BRCC3: variants seen among roughly 807,000 people sequenced by gnomAD.
The protein encoded by BRCC3 is lys-63-specific deubiquitinase BRCC36.
In BRCC3, 15 loss-of-function variants were observed where a neutral mutation model predicts 28.0. That is an observed-to-expected ratio of 0.54 (90% confidence interval 0.36 to 0.82). The LOEUF is 0.82. Among genes scored for constraint, BRCC3 ranks in the 40% least tolerant of loss-of-function variants. BRCC3 has a pLI of 0.01. For synonymous variants in BRCC3, 66 were observed against 80.3 expected, an observed-to-expected ratio of 0.82 and a Z score of 0.95; for missense variants, 109 against 225.9, an observed-to-expected ratio of 0.48 and a Z score of 3.32.
chrX:155,090,053 T>C (rs951290409), intron 6 of BRCC3, among the ~76,000 whole-genome samples: 3 of 112,372 alleles, frequency 2.7e-5, no homozygotes, highest in African/African-American at 9.7e-5. Flanking sequence ...TTATCACCTA[T>C]TGTATGGCAT....
At chrX:155,113,794 C>CA (rs200731006) in intron 7 of BRCC3, among the ~76,000 whole-genome samples, 4,280 of 111,273 alleles carry the variant, frequency 0.038, 100 homozygotes, top group Non-Finnish European at 0.061. Context: ...CACTCAACAA[C>CA]AAAAAAATCT....
Position 155,072,421 on chromosome X carries a change from A to G in BRCC3, c.140+78A>G, listed in dbSNP as rs2073992781. 4 of 793,498 alleles carry G rather than the reference A, an allele frequency of 5.0e-6. No homozygotes were observed. In the South Asian group the frequency reaches 9.2e-5, roughly 18 times the overall value. The allele number at this position is 793,498 out of a possible 1,213,427, so 65.4% of individuals were successfully genotyped here. A position where few individuals can be genotyped will look rare whatever the true frequency, so the allele number is the denominator to read the frequency against. On this transcript the variant is annotated intron_variant, in intron 2 of 10. Coordinates refer to ENST00000330045, the MANE Select transcript of BRCC3 (RefSeq NM_001018055.3). The stretch of plus-strand genomic sequence containing the variant: ...CTAAAATTATGGCGACTTTGGCAGT[A>G]TTGTGTCCGGATCGTGTCTTAAATT...
chrX:155,089,659 G>T (rs782065613), intron 6 of BRCC3, among the ~76,000 whole-genome samples: 60 of 111,759 alleles, frequency 5.4e-4, no homozygotes, highest in African/African-American at 1.9e-3. Flanking sequence ...GACCATACAT[G>T]CCAGTTTGCC....
intron 3 of BRCC3, 24 bp from the exon 4 acceptor site, chrX:155,077,146 C>T: frequency 2.6e-6 from 3 of 1,148,380 alleles, no homozygotes; most frequent in Non-Finnish European, 3.5e-6. Context: ...CTGTAAGTAA[C>T]CATTTCTGTG....
intron 5 of BRCC3, among the ~76,000 whole-genome samples, chrX:155,087,068 G>A (rs1000521820): frequency 8.9e-6 from 1 of 111,845 alleles, no homozygotes; most frequent in Non-Finnish European, 1.9e-5. Flanking sequence ...AAGGGCGAGA[G>A]GTGCAGGGTC....
chrX:155,098,304 TTTTTA>T (rs2074224197), intron 7 of BRCC3, among the ~76,000 whole-genome samples: 1 of 112,218 alleles, frequency 8.9e-6, no homozygotes, highest in African/African-American at 3.2e-5. Flanking sequence ...GTACTTTCCA[TTTTTA>T]TTTTCTCTTC....
At chrX:155,101,096 G>A (rs1477007572) in intron 7 of BRCC3, among the ~76,000 whole-genome samples, 1 of 110,037 alleles carries the variant, frequency 9.1e-6, no homozygotes, top group Non-Finnish European at 1.9e-5. Context: ...GTGGGGTTTC[G>A]CCATGTTGCC....
chrX:155,092,355 T>G lies in BRCC3; in HGVS notation c.548+1516T>G, dbSNP rs782336170. ...GGCTCCCTGCTGTTACTTGTAGTTT[T>G]ACCCTAAGCATTTATATTTTCACAG... On this transcript the variant is annotated intron_variant, in intron 7 of 10. Coordinates refer to ENST00000330045, the MANE Select transcript of BRCC3 (RefSeq NM_001018055.3). Among the ~76,000 whole-genome samples, 7 of 112,296 alleles carry G rather than the reference T, an allele frequency of 6.2e-5. No individual in the cohort carries two copies. The South Asian group carries it at 2.2e-3, about 35-fold the overall frequency.
chrX:155,096,694 T>A (rs2124277710), intron 7 of BRCC3, among the ~76,000 whole-genome samples: 1 of 112,411 alleles, frequency 8.9e-6, no homozygotes, highest in Non-Finnish European at 1.9e-5. Context: ...AGTTCCTGAA[T>A]AGCCAAAGCA....
chrX:155,091,664 T>C (rs1236859082), intron 7 of BRCC3, among the ~76,000 whole-genome samples: 10 of 111,917 alleles, frequency 8.9e-5, no homozygotes, highest in African/African-American at 3.2e-4. Context: ...CCTTTTTTCT[T>C]GTCATATTTA....
intron 7 of BRCC3, among the ~76,000 whole-genome samples, chrX:155,110,144 T>G (rs1410627537): frequency 8.9e-6 from 1 of 111,947 alleles, no homozygotes; most frequent in Non-Finnish European, 1.9e-5. Context: ...ATCTTTTTCA[T>G]AAATAAGATT....
At chrX:155,111,907 C>T (rs1056623888) in intron 7 of BRCC3, among the ~76,000 whole-genome samples, 1 of 111,650 alleles carries the variant, frequency 9.0e-6, no homozygotes, top group Non-Finnish European at 1.9e-5. Flanking sequence ...CCAGTGGAGG[C>T]CTGAAACCAC....
At chrX:155,077,400 G>C in intron 4 of BRCC3, 111 bp downstream of exon 4, 1 of 719,799 alleles carries the variant, frequency 1.4e-6, no homozygotes, top group Non-Finnish European at 1.9e-6. Flanking sequence ...TCTTCCCTTA[G>C]ATCCAATTGT....
At chrX:155,113,241 C>T (rs2074333701) in intron 7 of BRCC3, among the ~76,000 whole-genome samples, 1 of 102,818 alleles carries the variant, frequency 9.7e-6, no homozygotes, top group South Asian at 4.6e-4. Flanking sequence ...GAAAAAGAAC[C>T]AATTTGGGCA....
At chrX:155,086,799 T>C (rs1283436144) in intron 5 of BRCC3, among the ~76,000 whole-genome samples, 1 of 112,003 alleles carries the variant, frequency 8.9e-6, no homozygotes, top group East Asian at 2.8e-4. Context: ...ATATAGCTGA[T>C]CGTCAAAAAC....
chrX:155,109,760 C>T (rs954368808), intron 7 of BRCC3, among the ~76,000 whole-genome samples: 3 of 111,490 alleles, frequency 2.7e-5, no homozygotes, highest in Non-Finnish European at 5.7e-5. Context: ...ATCTTTACAC[C>T]TTTTTATTTC....
intron 5 of BRCC3, among the ~76,000 whole-genome samples, chrX:155,084,149 C>T (rs189289642): frequency 3.3e-4 from 37 of 112,251 alleles, no homozygotes; most frequent in East Asian, 1.4e-3. Context: ...ATACAGTACA[C>T]GTTTGCAAAA....
At chrX:155,097,249 A>G (rs782812196) in intron 7 of BRCC3, among the ~76,000 whole-genome samples, 5 of 112,268 alleles carry the variant, frequency 4.5e-5, no homozygotes, top group Non-Finnish European at 9.4e-5. Context: ...TGCAACCCAT[A>G]TATCTGATAA....
chrX:155,104,445 C>G (rs1286083785), intron 7 of BRCC3, among the ~76,000 whole-genome samples: 1 of 112,392 alleles, frequency 8.9e-6, no homozygotes, highest in Non-Finnish European at 1.9e-5. Flanking sequence ...TGAGGCAAGA[C>G]CCTTTTTAAT....
Sources: gnomAD v4.1 joint callset for allele counts (sites outside exome capture counted in the v4.1 genomes callset) on GRCh38, gnomAD v4.1.1 for gene constraint, MANE v1.5 for transcripts, NCBI Gene and HGNC (gene_info 2026-07-23, HGNC 2026-07-21) for gene names.